Variants in CNTNAP3B observed in about 807,000 individuals in gnomAD.
CNTNAP3B encodes contactin associated protein family member 3B, also known as contactin-associated protein-like 3B.
A neutral mutation model predicts 108.9 loss-of-function variants in CNTNAP3B; 25 were observed. The observed-to-expected ratio is 0.23, with a 90% confidence interval of 0.17 to 0.32. The LOEUF (loss-of-function observed/expected upper bound fraction) is 0.32, where lower values mean the gene tolerates loss of function less well. Ranked by LOEUF, CNTNAP3B falls within the 10% of genes least tolerant of loss-of-function variation. CNTNAP3B has a pLI of 1.00. For synonymous variants in CNTNAP3B, 103 were observed against 473.4 expected (o/e 0.22, Z 10.16); for missense variants, 252 against 1,210.4 (o/e 0.21, Z 11.75).
At chr9:42,122,284 G>A (rs1828479633) in intron 1 of CNTNAP3B, among the ~76,000 whole-genome samples, 1 of 139,400 alleles carries the variant, frequency 7.2e-6, no homozygotes, top group Non-Finnish European at 1.5e-5. Flanking sequence ...AATTTTAAAA[G>A]ACCATTTGGG....
At chr9:41,937,283 C>A (rs1371289166) in intron 14 of CNTNAP3B, among the ~76,000 whole-genome samples, 1 of 151,742 alleles carries the variant, frequency 6.6e-6, no homozygotes, top group Non-Finnish European at 1.5e-5. Flanking sequence ...CACACAGCCA[C>A]ACCTGGCTAA....
rs1827206394 is a variant in CNTNAP3B at position 42,063,271 on chromosome 9, T to C, written c.390+13598A>G. Among the ~76,000 whole-genome samples the C allele has an allele frequency of 3.1e-5, 4 of 128,104 alleles. No individual in the cohort carries two copies. The Admixed American group carries it at 3.2e-4, about 10-fold the overall frequency. The allele number at this position is 128,104 out of a possible 152,430, so 84.0% of individuals were successfully genotyped here. A position where few individuals can be genotyped will look rare whatever the true frequency, so the allele number is the denominator to read the frequency against. ...TTGTGTGTGTGTGTCTCTGCAAAAG[T>C]CCTTTTCTCTTTTCCTTCTGTAGAA... On this transcript the variant is annotated intron_variant, in intron 3 of 23. Transcript: ENST00000377561.
chr9:41,925,659 A>G (rs1383228150), intron 15 of CNTNAP3B, among the ~76,000 whole-genome samples: 1 of 152,204 alleles, frequency 6.6e-6, no homozygotes, highest in Admixed American at 6.5e-5. Context: ...TTATTTGTGT[A>G]TTTATCCATT....
At chr9:41,934,112 T>TATATATACACACAC (rs1824070588) in intron 14 of CNTNAP3B, among the ~76,000 whole-genome samples, 3 of 126,344 alleles carry the variant, frequency 2.4e-5, no homozygotes, top group East Asian at 2.0e-4. Flanking sequence ...TATATATATA[T>TATATATACACACAC]ATATATATAT....
At position 42,125,658 on chromosome 9, in the gene CNTNAP3B, A is replaced by AT. The variant is rs1294576028; in HGVS notation, c.85+3351dup. ...AAATGAATAAAGGCATGTGAACTAC[A>AT]TTTTTTGTTTTTTTTTTTTTGTTTT... On this transcript the variant is annotated intron_variant, in intron 1 of 23. Coordinates refer to ENST00000377561, the MANE Select transcript of CNTNAP3B (RefSeq NM_001201380.3). 2.2e-4 allele frequency among the ~76,000 whole-genome samples: 25 copies of AT among 113,512 alleles called. 3 individuals are homozygous for AT. Among genetic ancestry groups the AT allele is most frequent in the East Asian group, 3.2e-4 (1 of 3,120 alleles). The allele number at this position is 113,512 out of a possible 152,430, so 74.5% of individuals were successfully genotyped here.
chr9:42,115,101 G>A lies in CNTNAP3B; in HGVS notation c.86-10362C>T, dbSNP rs1270436394. On this transcript the variant is annotated intron_variant, in intron 1 of 23. Coordinates refer to ENST00000377561, the MANE Select transcript of CNTNAP3B (RefSeq NM_001201380.3). ...CAATGAAAAGGAACATTAAAAGGAG[G>A]CAATATAAAGCAAAGTGAGTTAAAG... is the stretch of plus-strand genomic sequence containing the variant. Among the ~76,000 whole-genome samples, 6 of 137,444 alleles carry A rather than the reference G, an allele frequency of 4.4e-5. 1 individual carries two copies. The highest frequency in any genetic ancestry group is 9.3e-5 in the Non-Finnish European group (6 of 64,424). 90.2% of individuals were successfully genotyped at this position (137,444 alleles called of 152,430 possible). A position where few individuals can be genotyped will look rare whatever the true frequency, so the allele number is the denominator to read the frequency against.
At chr9:42,043,287 C>T (rs1310715474) in intron 3 of CNTNAP3B, among the ~76,000 whole-genome samples, 1 of 106,272 alleles carries the variant, frequency 9.4e-6, no homozygotes, top group African/African-American at 3.7e-5. Context: ...CCTGCCTTAG[C>T]CTCCCGAGTA....
intron 3 of CNTNAP3B, among the ~76,000 whole-genome samples, chr9:42,029,533 T>C (rs1826474508): frequency 8.7e-6 from 1 of 115,330 alleles, no homozygotes; most frequent in South Asian, 2.9e-4. Context: ...ATATACATTC[T>C]TTTTTTTTTT....
At position 42,055,620 on chromosome 9, in the gene CNTNAP3B, A is replaced by G. The variant is rs1252323464; in HGVS notation, c.390+21249T>C. Among the ~76,000 whole-genome samples the G allele has an allele frequency of 2.8e-5, 2 of 72,682 alleles. 1 individual carries two copies. The highest frequency in any genetic ancestry group is 9.4e-4 in the South Asian group (2 of 2,118). The allele number at this position is 72,682 out of a possible 152,430, so 47.7% of individuals were successfully genotyped here. A position where few individuals can be genotyped will look rare whatever the true frequency, so the allele number is the denominator to read the frequency against. On this transcript the variant is annotated intron_variant, in intron 3 of 23. Transcript: ENST00000377561. ...CTATACATTGAGAGAAACTGAAAGC[A>G]TCACTCTTTTTGCATTACCTCCATT...
chr9:41,917,888 G>C (rs1389624724), intron 18 of CNTNAP3B, among the ~76,000 whole-genome samples: 1 of 151,890 alleles, frequency 6.6e-6, no homozygotes, highest in Non-Finnish European at 1.5e-5. Flanking sequence ...ATATAGAGTG[G>C]AGCTTCCGTC....
chr9:42,044,170 C>T (rs1378448935), intron 3 of CNTNAP3B, among the ~76,000 whole-genome samples: 3 of 134,290 alleles, frequency 2.2e-5, no homozygotes, highest in South Asian at 4.9e-4. Context: ...CCAAAGTGCA[C>T]AAGTAGTGAT....
At chr9:42,125,240 T>G (rs933212917) in intron 1 of CNTNAP3B, among the ~76,000 whole-genome samples, 2 of 138,572 alleles carry the variant, frequency 1.4e-5, no homozygotes, top group Non-Finnish European at 3.1e-5. Flanking sequence ...TGCAGAATAG[T>G]ATTTAGTTGC....
rs1279693566 is a variant in CNTNAP3B, at chr9:41,893,954, C to A, written c.*35G>T. The A allele has an allele frequency of 6.9e-6, 1 of 144,920 alleles. No homozygotes were observed. The highest frequency in any genetic ancestry group is 1.2e-5 in the Non-Finnish European group (1 of 81,656). 9.0% of individuals were successfully genotyped at this position (144,920 alleles called of 1,614,324 possible). The stretch of plus-strand genomic sequence containing the variant: ...CACTCTTTCTGGTTTTCATGGACTG[C>A]GTTTTGCACATCGAGCTCACTGTTT... On this transcript the variant is annotated 3_prime_UTR_variant, in exon 24 of 24. Transcript: ENST00000377561.
At chr9:41,932,907 C>T (rs1226631191) in intron 14 of CNTNAP3B, among the ~76,000 whole-genome samples, 12 of 152,404 alleles carry the variant, frequency 7.9e-5, no homozygotes, top group Admixed American at 1.3e-4. Flanking sequence ...TTTCTAGATT[C>T]TCAGTTTCTG....
chr9:42,121,199 C>G (rs144676376), intron 1 of CNTNAP3B, among the ~76,000 whole-genome samples: 2,490 of 138,030 alleles, frequency 0.018, 208 homozygotes, highest in Middle Eastern at 0.028. Flanking sequence ...CACATTCTAC[C>G]GGCTTCCTGA....
chr9:41,958,051 C>T (rs1193810797), intron 12 of CNTNAP3B, among the ~76,000 whole-genome samples: 9 of 152,276 alleles, frequency 5.9e-5, no homozygotes, highest in Non-Finnish European at 7.3e-5. Context: ...CGTGAGCCAC[C>T]GTCTGTTTTT....
chr9:41,921,055 T>C (rs1279163650), intron 17 of CNTNAP3B, among the ~76,000 whole-genome samples: 1 of 152,296 alleles, frequency 6.6e-6, no homozygotes, highest in East Asian at 1.9e-4. Context: ...CTAGAGTTTC[T>C]GGAAAATGCA....
intron 14 of CNTNAP3B, among the ~76,000 whole-genome samples, chr9:41,933,461 T>C (rs953753783): frequency 3.5e-5 from 5 of 140,964 alleles, no homozygotes; most frequent in Non-Finnish European, 7.7e-5. Context: ...CTTAATTCTC[T>C]TGAATAAGTT....
chr9:41,966,746 T>C (rs1399973651), intron 10 of CNTNAP3B, among the ~76,000 whole-genome samples: 23 of 152,140 alleles, frequency 1.5e-4, no homozygotes, highest in African/African-American at 5.3e-4. Flanking sequence ...CGCGGGTGGA[T>C]CACGAGGTCA....
Sources: gnomAD v4.1 joint callset for allele counts (sites outside exome capture counted in the v4.1 genomes callset) on GRCh38, gnomAD v4.1.1 for gene constraint, MANE v1.5 for transcripts, NCBI Gene and HGNC (gene_info 2026-07-23, HGNC 2026-07-21) for gene names.